The following HHAT variants were observed in gnomAD, a reference collection of about 807,000 sequenced individuals.
HHAT encodes protein-cysteine N-palmitoyltransferase HHAT.
In HHAT, 47 loss-of-function variants were observed where a neutral mutation model predicts 70.8. The observed-to-expected ratio is 0.66, with a 90% CI of 0.53 to 0.85. The LOEUF is 0.85. Among genes scored for constraint, HHAT ranks in the 40% least tolerant of loss-of-function variants. HHAT has a pLI of 0.00. For missense variants in HHAT, 609 were observed against 604.8 expected, an observed-to-expected ratio of 1.01 and a Z score of -0.07; for synonymous variants, 228 against 247.6, an observed-to-expected ratio of 0.92 and a Z score of 0.74.
chr1:210,597,288 A>C (rs904671266), intron 10 of HHAT, among the ~76,000 whole-genome samples: 3 of 152,178 alleles, frequency 2.0e-5, no homozygotes, highest in African/African-American at 7.2e-5. Context: ...TGAAGCTAGC[A>C]CAGTACTGGG....
chr1:210,585,608 A>G (rs1196484069), intron 9 of HHAT, among the ~76,000 whole-genome samples: 2 of 152,168 alleles, frequency 1.3e-5, no homozygotes, highest in Non-Finnish European at 2.9e-5. Flanking sequence ...TGGTCGAGAC[A>G]GGGTTTTGCC....
At chr1:210,567,028 T>G (rs1209928412) in intron 9 of HHAT, among the ~76,000 whole-genome samples, 1 of 152,228 alleles carries the variant, frequency 6.6e-6, no homozygotes, top group African/African-American at 2.4e-5. Flanking sequence ...CAGGGATGCT[T>G]GCTCCAGCTC....
intron 8 of HHAT, among the ~76,000 whole-genome samples, chr1:210,499,332 A>G (rs2094709696): frequency 6.6e-6 from 1 of 152,182 alleles, no homozygotes; most frequent in Non-Finnish European, 1.5e-5. Flanking sequence ...AGTAAAAATA[A>G]TTTGATGGAA....
At chr1:210,394,098 G>A (rs1270855579) in intron 4 of HHAT, among the ~76,000 whole-genome samples, 1 of 152,128 alleles carries the variant, frequency 6.6e-6, no homozygotes, top group African/African-American at 2.4e-5. Flanking sequence ...TCTTGCTGTT[G>A]TAGCCTTAAG....
intron 9 of HHAT, among the ~76,000 whole-genome samples, chr1:210,527,066 T>A (rs147389283): frequency 1.3e-5 from 2 of 152,260 alleles, no homozygotes; most frequent in East Asian, 1.9e-4. Flanking sequence ...TGGTGGGCTT[T>A]TGGATAGCAT....
chr1:210,659,477 T>C (rs1677172861), intron 11 of HHAT, among the ~76,000 whole-genome samples: 1 of 152,136 alleles, frequency 6.6e-6, no homozygotes, highest in African/African-American at 2.4e-5. Flanking sequence ...ACCAGACAGA[T>C]TCACCAGAGG....
chr1:210,649,293 G>C (rs1194102199), intron 11 of HHAT, among the ~76,000 whole-genome samples: 1 of 152,224 alleles, frequency 6.6e-6, no homozygotes, highest in Non-Finnish European at 1.5e-5. Flanking sequence ...GCTAGGAATA[G>C]AGACTCATTT....
chr1:210,394,685 G>A (rs956756639), intron 4 of HHAT, among the ~76,000 whole-genome samples: 3 of 152,162 alleles, frequency 2.0e-5, no homozygotes, highest in Non-Finnish European at 2.9e-5. Flanking sequence ...CTCATCAGGC[G>A]CAGGTAATGC....
chr1:210,462,977 C>G (rs2094010697), intron 7 of HHAT: 1 of 152,154 alleles, frequency 6.6e-6, no homozygotes, highest in South Asian at 2.1e-4. Flanking sequence ...TAATTTTCTG[C>G]ACAGTGGGGC....
At chr1:210,333,880 C>T (rs1014191866) in intron 1 of HHAT, among the ~76,000 whole-genome samples, 16 of 152,094 alleles carry the variant, frequency 1.1e-4, no homozygotes, top group African/African-American at 3.4e-4. Flanking sequence ...TGGTCTTGAA[C>T]TCCTGGCTTG....
intron 9 of HHAT, among the ~76,000 whole-genome samples, chr1:210,566,832 C>G (rs1654870471): frequency 6.6e-6 from 1 of 152,234 alleles, no homozygotes; most frequent in Non-Finnish European, 1.5e-5. Context: ...TGGACAAGAG[C>G]TTGGGATACA....
intron 2 of HHAT, among the ~76,000 whole-genome samples, chr1:210,361,113 G>C (rs1383714566): frequency 6.6e-6 from 1 of 152,170 alleles, no homozygotes; most frequent in Non-Finnish European, 1.5e-5. Context: ...TTAATCCCGT[G>C]TAACTCTGAT....
intron 3 of HHAT, among the ~76,000 whole-genome samples, chr1:210,383,602 A>G (rs984685905): frequency 1.3e-5 from 2 of 152,140 alleles, no homozygotes; most frequent in Middle Eastern, 3.2e-3. Flanking sequence ...AGAATATGCA[A>G]CATCAAGAGT....
intron 9 of HHAT, among the ~76,000 whole-genome samples, chr1:210,576,406 A>G (rs902618639): frequency 2.6e-5 from 4 of 151,858 alleles, no homozygotes; most frequent in Non-Finnish European, 4.4e-5. Flanking sequence ...ATTACCTCCA[A>G]AAGTTTCCCT....
At position 210,675,790 on chromosome 1, in the gene HHAT, G is replaced by A. The variant is rs914381973; in HGVS notation, c.*1411G>A. The stretch of plus-strand genomic sequence containing the variant: ...ACTACCTGGGGTAGGCACATTATGT[G>A]TTAAAGCAAGACAGAGGCCAGAGAG... On this transcript the variant is annotated 3_prime_UTR_variant, in exon 12 of 12. Transcript: ENST00000261458. 3 of 152,228 alleles carry A rather than the reference G, an allele frequency of 2.0e-5. No individual in the cohort carries two copies. The highest frequency in any genetic ancestry group is 4.4e-5 in the Non-Finnish European group (3 of 68,062). The allele number at this position is 152,228 out of a possible 1,614,324, so 9.4% of individuals were successfully genotyped here.
chr1:210,478,160 G>A (rs1212954725), intron 8 of HHAT, among the ~76,000 whole-genome samples: 1 of 152,176 alleles, frequency 6.6e-6, no homozygotes, highest in Non-Finnish European at 1.5e-5. Flanking sequence ...CCTGAGTTGT[G>A]TGGTCACTCA....
chr1:210,494,189 C>T (rs535033991), intron 8 of HHAT, among the ~76,000 whole-genome samples: 1 of 152,218 alleles, frequency 6.6e-6, no homozygotes, highest in Admixed American at 6.5e-5. Context: ...TTGGGCTGTT[C>T]CTCTGAGTGA....
At position 210,578,440 on chromosome 1, in the gene HHAT, G is replaced by A. The variant is rs537065510; in HGVS notation, c.1044-9458G>A. On this transcript the variant is annotated intron_variant, in intron 9 of 11. Coordinates refer to ENST00000261458, the MANE Select transcript of HHAT (RefSeq NM_018194.6). The stretch of plus-strand genomic sequence containing the variant: ...GGAGATTCCTTAAAAAAATAAAAAA[G>A]AGCTACTATGTGATTCAGTGATCAC... Among the ~76,000 whole-genome samples, 38 of 152,164 alleles carry A rather than the reference G, an allele frequency of 2.5e-4. No individual in the cohort carries two copies. In the East Asian group the frequency reaches 6.9e-3, roughly 28 times the overall value.
At chr1:210,594,062 A>T (rs1662367311) in intron 10 of HHAT, among the ~76,000 whole-genome samples, 1 of 152,002 alleles carries the variant, frequency 6.6e-6, no homozygotes, top group African/African-American at 2.4e-5. Flanking sequence ...GTGTCTTTAT[A>T]GGTTAAGTGT....
Sources: gnomAD v4.1 joint callset for allele counts (sites outside exome capture counted in the v4.1 genomes callset) on GRCh38, gnomAD v4.1.1 for gene constraint, MANE v1.5 for transcripts, NCBI Gene and HGNC (gene_info 2026-07-23, HGNC 2026-07-21) for gene names.